Variants in CD86 observed in about 807,000 individuals in gnomAD.
CD86 encodes the protein T-lymphocyte activation antigen CD86.
Under a neutral mutation model 32.1 loss-of-function variants are expected in CD86, and 11 were observed. The ratio of observed to expected loss-of-function variants is 0.34; its 90% CI spans 0.22 to 0.57. CD86 has a LOEUF of 0.57. Among genes scored for constraint, CD86 ranks in the 20% least tolerant of loss-of-function variants. The probability of loss-of-function intolerance (pLI) is 0.86; values close to 1 mark genes in which losing one functional copy is unlikely to be tolerated. For synonymous variants in CD86, 137 were observed against 135.3 expected, an observed-to-expected ratio of 1.01 and a Z score of -0.09; for missense variants, 359 against 398.4, an observed-to-expected ratio of 0.90 and a Z score of 0.84.
intron 1 of CD86, among the ~76,000 whole-genome samples, chr3:122,077,391 G>T (rs1046776450): frequency 2.0e-5 from 3 of 152,210 alleles, no homozygotes; most frequent in Non-Finnish European, 4.4e-5. Context: ...TACAATTGGG[G>T]TTAGATTAGG....
At chr3:122,059,630 A>G (rs2072296440) in intron 1 of CD86, among the ~76,000 whole-genome samples, 5 of 152,170 alleles carry the variant, frequency 3.3e-5, no homozygotes, top group Admixed American at 1.3e-4. Context: ...CAAGCTTTCC[A>G]TGTTGAACAC....
At chr3:122,087,878 A>T (rs113484440) in intron 1 of CD86, among the ~76,000 whole-genome samples, 6,444 of 152,232 alleles carry the variant, frequency 0.042, 187 homozygotes, top group South Asian at 0.072. Context: ...GGGAAGAGAG[A>T]GTTTCCAAAC....
chr3:122,098,496 C>A (rs1342704332), intron 2 of CD86, among the ~76,000 whole-genome samples: 1 of 151,954 alleles, frequency 6.6e-6, no homozygotes, highest in Admixed American at 6.6e-5. Context: ...TACATGAGGT[C>A]TTGTAAGGCC....
intron 1 of CD86, among the ~76,000 whole-genome samples, chr3:122,089,629 G>A (rs898501571): frequency 3.3e-5 from 5 of 152,198 alleles, no homozygotes; most frequent in African/African-American, 9.6e-5. Context: ...GAGCATAAAC[G>A]TATAATCTCA....
intron 1 of CD86, among the ~76,000 whole-genome samples, chr3:122,086,785 G>C (rs559336844): frequency 6.2e-4 from 95 of 152,220 alleles, no homozygotes; most frequent in Middle Eastern, 6.8e-3. Flanking sequence ...TCGATTCCAG[G>C]AGCCACCATC....
chr3:122,112,160 G>A (rs1322459664), intron 5 of CD86, among the ~76,000 whole-genome samples: 1 of 152,126 alleles, frequency 6.6e-6, no homozygotes, highest in Non-Finnish European at 1.5e-5. Context: ...CCTCATTTGG[G>A]TCTTGTGTGA....
chr3:122,119,723 C>T lies in CD86; in HGVS notation c.*189C>T, dbSNP rs1164969734. 1 of 540,718 alleles carries T rather than the reference C, an allele frequency of 1.8e-6. No homozygotes were observed. The highest frequency in any genetic ancestry group is 3.3e-6 in the Non-Finnish European group (1 of 306,884). 33.5% of individuals were successfully genotyped at this position (540,718 alleles called of 1,614,324 possible). ...CTCTGCTCCGTATGCCAAGAGGAGA[C>T]TTTAATTCTCTTACTGCTTCTTTTC... On this transcript the variant is annotated 3_prime_UTR_variant, in exon 7 of 7. Coordinates refer to ENST00000330540, the MANE Select transcript of CD86 (RefSeq NM_175862.5).
At position 122,106,250 on chromosome 3, in the gene CD86, G is replaced by T; in HGVS notation, c.453G>T (p.Val151=). The change falls in exon 4 of 7, where the codon GTG becomes GTT. Residue 151 remains valine, a synonymous_variant. Coordinates refer to ENST00000330540, the MANE Select transcript of CD86 (RefSeq NM_175862.5). ...IVPISNITEN[V]YINLTCSSIH... ...CAATTTCTAATATAACAGAAAATGT[G>T]TACATAAATTTGACCTGCTCATCTA... 1 of 1,612,658 alleles carries T rather than the reference G, an allele frequency of 6.2e-7. No individual in the cohort carries two copies. Among genetic ancestry groups the T allele is most frequent in the Non-Finnish European group, 8.5e-7 (1 of 1,179,422 alleles).
At chr3:122,116,593 A>G (rs757166620) in intron 5 of CD86, among the ~76,000 whole-genome samples, 7 of 152,210 alleles carry the variant, frequency 4.6e-5, no homozygotes, top group African/African-American at 7.2e-5. Flanking sequence ...TTAAAAATAT[A>G]TAAAGACTCA....
chr3:122,101,509 AAAAAATAT>A (rs1406879485), intron 2 of CD86, among the ~76,000 whole-genome samples: 5 of 57,010 alleles, frequency 8.8e-5, no homozygotes, highest in South Asian at 7.2e-4. Context: ...AAAAAAAAAA[AAAAAATAT>A]ATATATATAT....
chr3:122,066,624 G>T (rs913734518), intron 1 of CD86, among the ~76,000 whole-genome samples: 2 of 152,122 alleles, frequency 1.3e-5, no homozygotes, highest in Admixed American at 1.3e-4. Flanking sequence ...ATGAAGTAAT[G>T]CATTTAAAAT....
chr3:122,088,616 G>A (rs949983734), intron 1 of CD86, among the ~76,000 whole-genome samples: 1 of 152,130 alleles, frequency 6.6e-6, no homozygotes, highest in East Asian at 1.9e-4. Context: ...TGATTCCTGT[G>A]AGCTTCCTCA....
intron 1 of CD86, among the ~76,000 whole-genome samples, chr3:122,083,707 G>T (rs1022046000): frequency 6.6e-6 from 1 of 152,172 alleles, no homozygotes; most frequent in African/African-American, 2.4e-5. Flanking sequence ...GCACTGTCCA[G>T]TTTGGTAGCC....
In CD86 at chr3:122,119,687, T is replaced by G; in HGVS notation, c.*153T>G. 1 of 606,020 alleles carries G rather than the reference T, an allele frequency of 1.7e-6. No individual in the cohort carries two copies. Among genetic ancestry groups the G allele is most frequent in the Non-Finnish European group, 3.0e-6 (1 of 338,440 alleles). The allele number at this position is 606,020 out of a possible 1,614,324, so 37.5% of individuals were successfully genotyped here. Reference sequence around the variant, plus strand: ...CTCCCTCTAAGTGGAATAGCCTCCCTGTAACTCCAGCTCTGCTCCGTATGC... The same window carrying G: ...CTCCCTCTAAGTGGAATAGCCTCCCGGTAACTCCAGCTCTGCTCCGTATGC... On this transcript the variant is annotated 3_prime_UTR_variant, in exon 7 of 7. Coordinates refer to ENST00000330540, the MANE Select transcript of CD86 (RefSeq NM_175862.5).
intron 5 of CD86, among the ~76,000 whole-genome samples, chr3:122,116,879 G>C (rs556853976): frequency 3.5e-4 from 53 of 152,250 alleles, no homozygotes; most frequent in African/African-American, 1.2e-3. Flanking sequence ...TCCATGGGAT[G>C]GGGGAAAGGA....
chr3:122,101,776 A>G (rs2073013729), intron 2 of CD86, among the ~76,000 whole-genome samples: 1 of 152,060 alleles, frequency 6.6e-6, no homozygotes, highest in Non-Finnish European at 1.5e-5. Context: ...CTTGCATTAC[A>G]TTAAGAGCTC....
At chr3:122,074,514 C>G (rs2072531316) in intron 1 of CD86, among the ~76,000 whole-genome samples, 1 of 152,222 alleles carries the variant, frequency 6.6e-6, no homozygotes, top group Non-Finnish European at 1.5e-5. Flanking sequence ...GAACTACCAT[C>G]AGCACCGCCT....
At chr3:122,072,644 G>A (rs1050780541) in intron 1 of CD86, among the ~76,000 whole-genome samples, 1 of 152,238 alleles carries the variant, frequency 6.6e-6, no homozygotes, top group Middle Eastern at 3.4e-3. Flanking sequence ...TTTGTCAGAT[G>A]AGTAGGTTGC....
chr3:122,118,030 G>T lies in CD86; in HGVS notation c.848-18G>T. Reference sequence around the variant, plus strand: ...TAGGAGGAATACATTTTTGAAGATTGTTCTTGGTGTCTTTCAGGAACCAAC... The same window carrying T: ...TAGGAGGAATACATTTTTGAAGATTTTTCTTGGTGTCTTTCAGGAACCAAC... On this transcript the variant is annotated intron_variant, in intron 5 of 6. Transcript: ENST00000330540. 1.2e-6 allele frequency: 2 copies of T among 1,610,592 alleles called. No individual in the cohort carries two copies. The highest frequency in any genetic ancestry group is 1.7e-6 in the Non-Finnish European group (2 of 1,177,130).
Sources: allele counts gnomAD v4.1 joint callset (sites outside exome capture counted in the v4.1 genomes callset), GRCh38; gene constraint gnomAD v4.1.1; transcripts MANE v1.5; gene names NCBI Gene and HGNC (gene_info 2026-07-23, HGNC 2026-07-21).